LYRM7: variants seen among roughly 807,000 people sequenced by gnomAD.
LYRM7 encodes complex III assembly factor LYRM7.
Under a neutral mutation model 15.8 loss-of-function variants are expected in LYRM7, and 9 were observed. The observed-to-expected ratio is 0.57, with a 90% CI of 0.34 to 0.99. The LOEUF is 0.99. Ranked by LOEUF, LYRM7 falls within the 50% of genes least tolerant of loss-of-function variation. LYRM7 has a pLI of 0.02. For synonymous variants in LYRM7, 39 were observed against 39.4 expected, an observed-to-expected ratio of 0.99 and a Z score of 0.04; for missense variants, 115 against 119.1, an observed-to-expected ratio of 0.97 and a Z score of 0.16.
rs1442478142 is a variant in LYRM7 at position 131,175,168 on chromosome 5, C to T, written c.18+4130C>T. Among the ~76,000 whole-genome samples the T allele has an allele frequency of 2.1e-5, 3 of 141,640 alleles. No individual in the cohort carries two copies. In the South Asian group the frequency reaches 6.6e-4, roughly 31 times the overall value. The allele number at this position is 141,640 out of a possible 152,430, so 92.9% of individuals were successfully genotyped here. A position where few individuals can be genotyped will look rare whatever the true frequency, so the allele number is the denominator to read the frequency against. On this transcript the variant is annotated intron_variant, in intron 1 of 4. Transcript: ENST00000379380. Reference sequence around the variant, plus strand: ...GGATTTTGGAATGACAAATTATTGGCTTCAACTCAAAGTCACCAGCTTCAA... The same window carrying T: ...GGATTTTGGAATGACAAATTATTGGTTTCAACTCAAAGTCACCAGCTTCAA...
chr5:131,186,958 G>A (rs1281699206), intron 3 of LYRM7, 70 bp from the exon 4 acceptor site: 14 of 858,274 alleles, frequency 1.6e-5, no homozygotes, highest in South Asian at 6.3e-5. Flanking sequence ...TAAAACTATC[G>A]TTTTCAAAAA....
chr5:131,175,504 G>T (rs899546690), intron 1 of LYRM7, among the ~76,000 whole-genome samples: 19 of 151,832 alleles, frequency 1.3e-4, no homozygotes, highest in Non-Finnish European at 7.4e-5. Context: ...AACCACGCTC[G>T]GCCTTTTTTG....
intron 4 of LYRM7, among the ~76,000 whole-genome samples, chr5:131,199,205 T>C (rs1043353922): frequency 6.6e-6 from 1 of 152,206 alleles, no homozygotes; most frequent in African/African-American, 2.4e-5. Context: ...AAATTTCCAG[T>C]TGTTTTCATT....
chr5:131,171,153 T>A (rs1477911789), intron 1 of LYRM7, 115 bp downstream of exon 1: 19 of 1,111,916 alleles, frequency 1.7e-5, no homozygotes, highest in Non-Finnish European at 2.2e-5. Flanking sequence ...TTATGGAGGA[T>A]GTGGCTGTTA....
At chr5:131,171,140 C>T (rs765644797) in intron 1 of LYRM7, 102 bp downstream of exon 1, 48 of 1,197,472 alleles carry the variant, frequency 4.0e-5, no homozygotes, top group Non-Finnish European at 5.4e-5. Flanking sequence ...GGCTCCTGAC[C>T]CTTTATGGAG....
chr5:131,182,098 A>G (rs1561544810), intron 2 of LYRM7, 131 bp from the exon 3 acceptor site: 1 of 799,828 alleles, frequency 1.3e-6, no homozygotes, highest in African/African-American at 1.9e-5. Flanking sequence ...TCTTATTCTT[A>G]TGCTTTGTTT....
chr5:131,172,606 G>A (rs1037315688), intron 1 of LYRM7, among the ~76,000 whole-genome samples: 1 of 152,072 alleles, frequency 6.6e-6, no homozygotes, highest in Non-Finnish European at 1.5e-5. Flanking sequence ...AACACTTTTG[G>A]TAGAGCCTAC....
At chr5:131,190,134 A>AC (rs1456976692) in intron 4 of LYRM7, among the ~76,000 whole-genome samples, 1 of 148,784 alleles carries the variant, frequency 6.7e-6, no homozygotes, top group East Asian at 1.9e-4. Context: ...ACCCTGTCTC[A>AC]CAAAAAAAAA....
At chr5:131,178,413 A>C (rs1017393612) in intron 1 of LYRM7, among the ~76,000 whole-genome samples, 1 of 152,206 alleles carries the variant, frequency 6.6e-6, no homozygotes, top group African/African-American at 2.4e-5. Context: ...AGGATGACCT[A>C]CTGATTTCTG....
In LYRM7 at chr5:131,192,040, C is replaced by T. The variant is rs971019996; in HGVS notation, c.244+4931C>T. Among the ~76,000 whole-genome samples, 247 of 82,248 alleles carry T rather than the reference C, an allele frequency of 3.0e-3. 1 individual carries two copies. The highest frequency in any genetic ancestry group is 0.025 in the African/African-American group (189 of 7,710). 54.0% of individuals were successfully genotyped at this position (82,248 alleles called of 152,430 possible). A position where few individuals can be genotyped will look rare whatever the true frequency, so the allele number is the denominator to read the frequency against. On this transcript the variant is annotated intron_variant, in intron 4 of 4. Coordinates refer to ENST00000379380, the MANE Select transcript of LYRM7 (RefSeq NM_181705.4). Reference sequence around the variant, plus strand: ...AAAAAAAATGTGGTGCATACACACACACACACACACACACACACACACACA... The same window carrying T: ...AAAAAAAATGTGGTGCATACACACATACACACACACACACACACACACACA...
At chr5:131,197,017 T>C (rs536082327) in intron 4 of LYRM7, among the ~76,000 whole-genome samples, 113 of 152,334 alleles carry the variant, frequency 7.4e-4, no homozygotes, top group African/African-American at 2.5e-3. Flanking sequence ...TAAACCAGCT[T>C]TTGGACTTTG....
At chr5:131,186,970 A>C (rs2149663159) in intron 3 of LYRM7, 58 bp from the exon 4 acceptor site, 5 of 943,214 alleles carry the variant, frequency 5.3e-6, no homozygotes, top group South Asian at 4.5e-5. Context: ...TTTCAAAAAC[A>C]GTACATTCAT....
intron 1 of LYRM7, among the ~76,000 whole-genome samples, chr5:131,175,079 G>A (rs957752646): frequency 1.3e-5 from 2 of 151,966 alleles, no homozygotes; most frequent in Non-Finnish European, 1.5e-5. Flanking sequence ...GCTTTAAACA[G>A]ATGCACTTTG....
Position 131,200,951 on chromosome 5 carries a change from G to C in LYRM7, c.*1350G>C, listed in dbSNP as rs966206319. On this transcript the variant is annotated 3_prime_UTR_variant, in exon 5 of 5. Transcript: ENST00000379380. ...AATAACTCCAGATTTCTTTCTTATAGTCATTATTAGTAGCAGATGAGATTA... is the reference window on the plus strand; with the variant it reads ...AATAACTCCAGATTTCTTTCTTATACTCATTATTAGTAGCAGATGAGATTA... 3.3e-5 allele frequency: 5 copies of C among 151,706 alleles called. No homozygotes were observed. The highest frequency in any genetic ancestry group is 3.2e-3 in the Middle Eastern group (1 of 316). The allele number at this position is 151,706 out of a possible 1,614,324, so 9.4% of individuals were successfully genotyped here. A position where few individuals can be genotyped will look rare whatever the true frequency, so the allele number is the denominator to read the frequency against.
chr5:131,177,373 C>A (rs2149659833), intron 1 of LYRM7, among the ~76,000 whole-genome samples: 1 of 152,262 alleles, frequency 6.6e-6, no homozygotes, highest in Middle Eastern at 3.4e-3. Context: ...TTTTGTGATT[C>A]ATTTCCTTAT....
chr5:131,181,416 T>TG (rs201410685), intron 2 of LYRM7, among the ~76,000 whole-genome samples: 362 of 113,094 alleles, frequency 3.2e-3, no homozygotes, highest in Non-Finnish European at 5.1e-3. Flanking sequence ...CATATATATG[T>TG]TTATATATAT....
At position 131,202,711 on chromosome 5, in the gene LYRM7, A is replaced by G. The variant is rs1756094364; in HGVS notation, c.*3110A>G. 6.6e-6 allele frequency: 1 copy of G among 152,092 alleles called. No homozygotes were observed. The highest frequency in any genetic ancestry group is 1.5e-5 in the Non-Finnish European group (1 of 67,994). The allele number at this position is 152,092 out of a possible 1,614,324, so 9.4% of individuals were successfully genotyped here. On this transcript the variant is annotated 3_prime_UTR_variant, in exon 5 of 5. Coordinates refer to ENST00000379380, the MANE Select transcript of LYRM7 (RefSeq NM_181705.4). Reference sequence around the variant, plus strand: ...TGTTTTTTATTTGGTTATTTTTTTTAAGTTTTCTGTATTCACACAAGGGGT... The same window carrying G: ...TGTTTTTTATTTGGTTATTTTTTTTGAGTTTTCTGTATTCACACAAGGGGT...
intron 2 of LYRM7, among the ~76,000 whole-genome samples, chr5:131,181,474 T>A (rs930098048): frequency 5.4e-5 from 7 of 129,882 alleles, no homozygotes; most frequent in Non-Finnish European, 9.5e-5. Flanking sequence ...TGTATATATA[T>A]ATAACATATA....
rs755037848 is a variant in LYRM7, at chr5:131,171,025, G to A, written c.5G>A (p.Gly2Glu). 22 of 1,540,504 alleles carry A rather than the reference G, an allele frequency of 1.4e-5. No homozygotes were observed. The highest frequency in any genetic ancestry group is 1.4e-4 in the Admixed American group (6 of 44,132). The change falls in exon 1 of 5, where the codon GGA (glycine) becomes GAA (glutamate). Residue 2 changes from glycine (G) to glutamate (E), a missense_variant. Coordinates refer to ENST00000379380, the MANE Select transcript of LYRM7 (RefSeq NM_181705.4). MGRAVKVLQLFK... is the reference protein window; with the variant it reads MERAVKVLQLFK... ...GCGGCCGCGGTGAGGAGAGCCATGG[G>A]ACGGGCAGTCAAGGTGACAGGGCCC...
Sources: allele counts gnomAD v4.1 joint callset (sites outside exome capture counted in the v4.1 genomes callset), GRCh38; gene constraint gnomAD v4.1.1; transcripts MANE v1.5; gene names NCBI Gene and HGNC (gene_info 2026-07-23, HGNC 2026-07-21).